The following ALCAM variants were observed in gnomAD, a reference collection of about 807,000 sequenced individuals.
ALCAM encodes activated leukocyte cell adhesion molecule.
In ALCAM, 30 loss-of-function variants were observed where a neutral mutation model predicts 70.9. The ratio of observed to expected loss-of-function variants is 0.42; its 90% confidence interval spans 0.32 to 0.57. ALCAM has a LOEUF of 0.57. ALCAM is among the 20% of genes least tolerant of loss of function. The probability of loss-of-function intolerance (pLI) is 0.11; values close to 1 mark genes in which losing one functional copy is unlikely to be tolerated. For synonymous variants in ALCAM, 249 were observed against 242.5 expected, an observed-to-expected ratio of 1.03 and a Z score of -0.25; for missense variants, 591 against 695.1, an observed-to-expected ratio of 0.85 and a Z score of 1.68.
At chr3:105,475,586 C>A (rs1229070384) in intron 1 of ALCAM, among the ~76,000 whole-genome samples, 1 of 151,960 alleles carries the variant, frequency 6.6e-6, no homozygotes, top group Non-Finnish European at 1.5e-5. Context: ...ATCACGAACA[C>A]ATAATTTGGT....
intron 1 of ALCAM, among the ~76,000 whole-genome samples, chr3:105,505,521 G>A (rs1224410744): frequency 1.3e-5 from 2 of 152,160 alleles, no homozygotes; most frequent in African/African-American, 2.4e-5. Context: ...GATTTGTGCA[G>A]GAACACAAAT....
At position 105,552,449 on chromosome 3, in the gene ALCAM, C is replaced by T. The variant is rs1317431855; in HGVS notation, c.1547-19C>T. On this transcript the variant is annotated intron_variant, in intron 13 of 15. Transcript: ENST00000306107. ...TTGGCATTGTCTGTAATTGCATGGACTTTTCTTCTTTGTTGCAGATGAAAA... is the reference window on the plus strand; with the variant it reads ...TTGGCATTGTCTGTAATTGCATGGATTTTTCTTCTTTGTTGCAGATGAAAA... 6 of 1,607,038 alleles carry T rather than the reference C, an allele frequency of 3.7e-6. No individual in the cohort carries two copies. Among genetic ancestry groups the T allele is most frequent in the Non-Finnish European group, 5.1e-6 (6 of 1,174,186 alleles).
intron 1 of ALCAM, among the ~76,000 whole-genome samples, chr3:105,403,463 G>T (rs1936143085): frequency 6.6e-6 from 1 of 152,098 alleles, no homozygotes; most frequent in Non-Finnish European, 1.5e-5. Context: ...CCACTGGGTT[G>T]CCAGACCTAG....
At chr3:105,521,072 C>G (rs569308906) in intron 2 of ALCAM, among the ~76,000 whole-genome samples, 1 of 151,696 alleles carries the variant, frequency 6.6e-6, no homozygotes, top group Non-Finnish European at 1.5e-5. Context: ...GAGGCCGAGG[C>G]GGGTGGATCA....
intron 1 of ALCAM, among the ~76,000 whole-genome samples, chr3:105,466,141 T>A (rs770519952): frequency 6.6e-6 from 1 of 151,524 alleles, no homozygotes; most frequent in Non-Finnish European, 1.5e-5. Flanking sequence ...CATGATGACT[T>A]ATTATCCCTG....
intron 1 of ALCAM, among the ~76,000 whole-genome samples, chr3:105,417,530 A>G (rs1936535239): frequency 2.0e-5 from 3 of 151,764 alleles, no homozygotes; most frequent in South Asian, 2.1e-4. Flanking sequence ...TTCAAACCTA[A>G]GCTCAAATCC....
chr3:105,556,010 G>T (rs950852118), intron 14 of ALCAM, among the ~76,000 whole-genome samples: 2 of 151,900 alleles, frequency 1.3e-5, no homozygotes, highest in African/African-American at 4.8e-5. Context: ...CCTATATCTA[G>T]TTGTTTAACA....
In ALCAM at chr3:105,465,130, G is replaced by A. The variant is rs187725360; in HGVS notation, c.74-54937G>A. ...AGGAAAGTGTTGTCAAAATAGAAAA[G>A]GCTTGTGTATATTGTTCATGAGCTC... On this transcript the variant is annotated intron_variant, in intron 1 of 15. Transcript: ENST00000306107. 4.0e-5 allele frequency among the ~76,000 whole-genome samples: 6 copies of A among 151,550 alleles called. No homozygotes were observed. The East Asian group carries it at 9.7e-4, about 24-fold the overall frequency.
At chr3:105,476,273 C>T (rs891137488) in intron 1 of ALCAM, among the ~76,000 whole-genome samples, 4 of 152,158 alleles carry the variant, frequency 2.6e-5, no homozygotes, top group South Asian at 4.1e-4. Flanking sequence ...CTTGAGCCTC[C>T]GGCATATGTT....
At chr3:105,392,748 G>A (rs1368327606) in intron 1 of ALCAM, among the ~76,000 whole-genome samples, 3 of 151,690 alleles carry the variant, frequency 2.0e-5, no homozygotes, top group Non-Finnish European at 4.4e-5. Flanking sequence ...CACTGCTTTA[G>A]CTGTGTCCCA....
At chr3:105,463,131 G>A (rs1195651757) in intron 1 of ALCAM, among the ~76,000 whole-genome samples, 4 of 151,292 alleles carry the variant, frequency 2.6e-5, no homozygotes, top group African/African-American at 9.7e-5. Flanking sequence ...CTGCAATCAC[G>A]AAAAGGGATA....
At chr3:105,437,766 TAAA>T (rs1937083933) in intron 1 of ALCAM, among the ~76,000 whole-genome samples, 1 of 152,118 alleles carries the variant, frequency 6.6e-6, no homozygotes, top group Non-Finnish European at 1.5e-5. Context: ...TACAATAGTG[TAAA>T]ACTCCTTTTA....
intron 1 of ALCAM, among the ~76,000 whole-genome samples, chr3:105,500,684 A>T (rs147055551): frequency 9.9e-5 from 15 of 152,268 alleles, no homozygotes; most frequent in Admixed American, 9.8e-4. Flanking sequence ...CACAAGAGTC[A>T]TTTCCTTAAC....
At chr3:105,487,476 G>T (rs756432498) in intron 1 of ALCAM, among the ~76,000 whole-genome samples, 14 of 152,006 alleles carry the variant, frequency 9.2e-5, no homozygotes, top group Admixed American at 7.2e-4. Flanking sequence ...AGGTTTATAA[G>T]AAGAAAATGA....
intron 1 of ALCAM, among the ~76,000 whole-genome samples, chr3:105,385,529 C>G (rs920915160): frequency 1.3e-5 from 2 of 151,612 alleles, no homozygotes; most frequent in Non-Finnish European, 3.0e-5. Flanking sequence ...TTTGCCATGA[C>G]GCTTAATTGA....
At chr3:105,557,947 A>C (rs1940554415) in intron 14 of ALCAM, among the ~76,000 whole-genome samples, 1 of 152,034 alleles carries the variant, frequency 6.6e-6, no homozygotes, top group Non-Finnish European at 1.5e-5. Context: ...ATTCTTCTCT[A>C]TTTCCTTCTT....
At chr3:105,532,164 T>C (rs1939856421) in intron 4 of ALCAM, 98 bp downstream of exon 4, 1 of 1,033,540 alleles carries the variant, frequency 9.7e-7, no homozygotes, top group Admixed American at 1.9e-5. Context: ...GCTTTGCTCT[T>C]GTGGAGATGA....
intron 14 of ALCAM, among the ~76,000 whole-genome samples, chr3:105,569,892 C>A (rs1049090023): frequency 6.6e-6 from 1 of 152,032 alleles, no homozygotes; most frequent in Non-Finnish European, 1.5e-5. Flanking sequence ...TCTAGGATGT[C>A]AATTAGAAGC....
chr3:105,423,778 C>A (rs1234927311), intron 1 of ALCAM, among the ~76,000 whole-genome samples: 1 of 151,542 alleles, frequency 6.6e-6, no homozygotes, highest in Non-Finnish European at 1.5e-5. Context: ...ACCACTTTAA[C>A]AAACTCTTGA....
Sources: allele counts gnomAD v4.1 joint callset (sites outside exome capture counted in the v4.1 genomes callset), GRCh38; gene constraint gnomAD v4.1.1; transcripts MANE v1.5; gene names NCBI Gene and HGNC (gene_info 2026-07-23, HGNC 2026-07-21).